Variants in IL12RB1 observed in about 807,000 individuals in gnomAD.
IL12RB1 encodes the protein interleukin-12 receptor subunit beta-1.
A neutral mutation model predicts 94.4 loss-of-function variants in IL12RB1; 64 were observed. The observed-to-expected ratio is 0.68, with a 90% CI of 0.55 to 0.83. The LOEUF (loss-of-function observed/expected upper bound fraction) is 0.83. Ranked by LOEUF, IL12RB1 falls within the 40% of genes least tolerant of loss-of-function variation. The pLI, the probability that IL12RB1 is intolerant of heterozygous loss-of-function variation, is 0.00. For missense variants in IL12RB1, 814 were observed against 855.6 expected (o/e 0.95, Z 0.61); for synonymous variants, 362 against 355.5 (o/e 1.02, Z -0.21).
At position 18,083,525 on chromosome 19, in the gene IL12RB1, G is replaced by A. The variant is rs772540021; in HGVS notation, c.65-34C>T. ...GCAATGAAGACATAATGACATTCCTGGCCTTGCACTGTGTGGGGAGAAGGG... is the reference window on the plus strand; with the variant it reads ...GCAATGAAGACATAATGACATTCCTAGCCTTGCACTGTGTGGGGAGAAGGG... On this transcript the variant is annotated intron_variant, in intron 1 of 16. Coordinates refer to ENST00000593993, the MANE Select transcript of IL12RB1 (RefSeq NM_005535.3). 1.0e-5 allele frequency: 16 copies of A among 1,607,870 alleles called. No individual in the cohort carries two copies. The Admixed American group carries it at 1.7e-4, about 17-fold the overall frequency.
rs1377296478 is a variant in IL12RB1 at position 18,069,596 on chromosome 19, A to T, written c.1139T>A (p.Leu380His). 6.2e-7 allele frequency: 1 copy of T among 1,612,714 alleles called. No homozygotes were observed. The highest frequency in any genetic ancestry group is 8.5e-7 in the Non-Finnish European group (1 of 1,179,840). ...CGGCGCAGTCAGGCTGCAGGTGGCA[A>T]GGCCCCCGTCCTGGCCCACAGGCTG... Reference protein sequence around the residue: ...EWQPVGQDGGLATCSLTAPQD... With the variant: ...EWQPVGQDGGHATCSLTAPQD... Residue 380 changes from leucine (L) to histidine (H), a missense_variant, in exon 10 of 17, where the codon CTT (leucine) becomes CAT (histidine). Leu to His is a moderately conservative substitution (Grantham distance 99). Coordinates refer to ENST00000593993, the MANE Select transcript of IL12RB1 (RefSeq NM_005535.3).
At chr19:18,091,222 A>G (rs405165), upstream of IL12RB1, among the ~76,000 whole-genome samples, 3,944 of 152,256 alleles carry the variant, frequency 0.026, 162 homozygotes, top group African/African-American at 0.09. Flanking sequence ...CCCTTGCCAC[A>G]TCTTGGCAAG....
Position 18,073,613 on chromosome 19 carries a change from C to A in IL12RB1, c.701-14G>T. On this transcript the variant is annotated splice_polypyrimidine_tract_variant and intron_variant, in intron 7 of 16. Coordinates refer to ENST00000593993, the MANE Select transcript of IL12RB1 (RefSeq NM_005535.3). ...GTGGGGGGTTTTCTGCAATCAGAAC[C>A]AAACCAACTAGACGAATTGGAAGGA... The A allele has an allele frequency of 6.5e-7, 1 of 1,531,588 alleles. No homozygotes were observed. Among genetic ancestry groups the A allele is most frequent in the South Asian group, 1.1e-5 (1 of 89,092 alleles). The allele number at this position is 1,531,588 out of a possible 1,614,324, so 94.9% of individuals were successfully genotyped here. A position where few individuals can be genotyped will look rare whatever the true frequency, so the allele number is the denominator to read the frequency against.
At position 18,069,731 on chromosome 19, in the gene IL12RB1, AG is replaced by A. The variant is rs2034878442; in HGVS notation, c.1022-19del. 6.3e-7 allele frequency: 1 copy of A among 1,581,832 alleles called. No homozygotes were observed. Among genetic ancestry groups the A allele is most frequent in the Non-Finnish European group, 8.7e-7 (1 of 1,153,236 alleles). Reference sequence around the variant, plus strand: ...CACTGGTTCTGGAAGGAGAGGGGAGAGACGCATCGAGACAGTTGCCATCTCT... The same window carrying A: ...CACTGGTTCTGGAAGGAGAGGGGAGAACGCATCGAGACAGTTGCCATCTCT... On this transcript the variant is annotated intron_variant, in intron 9 of 16. Transcript: ENST00000593993.
intron 1 of IL12RB1, among the ~76,000 whole-genome samples, chr19:18,093,175 G>T (rs1384777225): frequency 6.6e-6 from 1 of 151,786 alleles, no homozygotes; most frequent in African/African-American, 2.4e-5. Context: ...TGTGGTGGCA[G>T]GTGCCTGTAA....
At position 18,076,150 on chromosome 19, in the gene IL12RB1, C is replaced by A. The variant is rs746630650; in HGVS notation, c.580+147G>T. On this transcript the variant is annotated intron_variant, in intron 6 of 16. Transcript: ENST00000593993. Reference sequence around the variant, plus strand: ...TCCAAGTCGTGATTTGTTTCCCCACCTGCAATTTGGAAAGAATCCAATACT... The same window carrying A: ...TCCAAGTCGTGATTTGTTTCCCCACATGCAATTTGGAAAGAATCCAATACT... The A allele has an allele frequency of 1.1e-5, 8 of 703,996 alleles. No homozygotes were observed. In the African/African-American group the frequency reaches 1.4e-4, roughly 12 times the overall value. The allele number at this position is 703,996 out of a possible 1,614,324, so 43.6% of individuals were successfully genotyped here. A position where few individuals can be genotyped will look rare whatever the true frequency, so the allele number is the denominator to read the frequency against.
intron 4 of IL12RB1, 119 bp from the exon 5 acceptor site, chr19:18,077,774 C>T: frequency 1.4e-6 from 1 of 735,056 alleles, no homozygotes; most frequent in Non-Finnish European, 2.5e-6. Context: ...TTAGGGGACA[C>T]TTGCAGGTCC....
At chr19:18,090,301 C>T (rs1599591321), upstream of IL12RB1, among the ~76,000 whole-genome samples, 1 of 152,038 alleles carries the variant, frequency 6.6e-6, no homozygotes, top group African/African-American at 2.4e-5. Context: ...GCTCTAATTG[C>T]GCCACTGCAC....
At chr19:18,088,388 A>AATATATATATATATAT (rs372635550), upstream of IL12RB1, among the ~76,000 whole-genome samples, 17 of 108,518 alleles carry the variant, frequency 1.6e-4, no homozygotes, top group African/African-American at 5.7e-4. Context: ...TCCATCTCAA[A>AATATATATATATATAT]ATATATATAT....
At chr19:18,077,919 C>A (rs987318574) in intron 4 of IL12RB1, among the ~76,000 whole-genome samples, 2 of 152,150 alleles carry the variant, frequency 1.3e-5, no homozygotes, top group East Asian at 3.8e-4. Flanking sequence ...TCGAGACCAG[C>A]CTGGGCAACA....
At chr19:18,084,856 A>T (rs1206491573) in intron 1 of IL12RB1, among the ~76,000 whole-genome samples, 1 of 152,156 alleles carries the variant, frequency 6.6e-6, no homozygotes, top group Non-Finnish European at 1.5e-5. Flanking sequence ...GAACAGTAAG[A>T]CCAACAGTCT....
rs776498539 is a variant in IL12RB1, at chr19:18,064,044, C to T, written c.1484-34G>A. ...GGAGAGGCAACCCTGAGTCCTGGGA[C>T]CTCTTTACTCCTCAGAGGCCAGGCT... On this transcript the variant is annotated intron_variant, in intron 12 of 16. Transcript: ENST00000593993. The T allele has an allele frequency of 2.6e-6, 4 of 1,562,458 alleles. No individual in the cohort carries two copies. The Admixed American group carries it at 6.8e-5, about 26-fold the overall frequency.
At chr19:18,060,123 C>T (rs2034019570) in intron 15 of IL12RB1, 38 bp from the exon 16 acceptor site, 4 of 1,133,614 alleles carry the variant, frequency 3.5e-6, no homozygotes, top group Admixed American at 3.6e-5. Context: ...GTGAGCAGAG[C>T]TCTACTTCCC....
At chr19:18,072,882 G>A (rs2035172851) in intron 8 of IL12RB1, among the ~76,000 whole-genome samples, 2 of 149,518 alleles carry the variant, frequency 1.3e-5, no homozygotes, top group South Asian at 4.2e-4. Flanking sequence ...GGGAGGCGGA[G>A]CTTGTAGTGA....
upstream of IL12RB1, chr19:18,086,998 A>T (rs751766964): frequency 4.8e-5 from 68 of 1,410,680 alleles, no homozygotes; most frequent in Non-Finnish European, 6.5e-5. Flanking sequence ...AGTCAAAGTG[A>T]AAGAGAAACC....
chr19:18,067,529 C>A (rs751562647), intron 11 of IL12RB1, among the ~76,000 whole-genome samples: 11 of 152,032 alleles, frequency 7.2e-5, no homozygotes, highest in Admixed American at 3.9e-4. Flanking sequence ...GCTGGCCGGG[C>A]GCAGTGGCTC....
intron 7 of IL12RB1, among the ~76,000 whole-genome samples, chr19:18,074,638 C>T (rs1323370307): frequency 6.6e-6 from 1 of 152,124 alleles, no homozygotes; most frequent in African/African-American, 2.4e-5. Flanking sequence ...ATCCCAGCTA[C>T]TCTGGAGGCT....
intron 10 of IL12RB1, 33 bp from the exon 11 acceptor site, chr19:18,068,559 T>G (rs1229896834): frequency 6.3e-7 from 1 of 1,597,496 alleles, no homozygotes; most frequent in Non-Finnish European, 8.6e-7. Context: ...GGCCATTCAG[T>G]AGATTGTGTT....
In IL12RB1 at chr19:18,076,281, CTAT is replaced by C. The variant is rs1568506850; in HGVS notation, c.580+13_580+15del. On this transcript the variant is annotated intron_variant, in intron 6 of 16. Coordinates refer to ENST00000593993, the MANE Select transcript of IL12RB1 (RefSeq NM_005535.3). ...TTTGCTGCAGCTGTTGTTGTCATTACTATTATTATTCTCACCAGTATCATCATC... is the reference window on the plus strand; with the variant it reads ...TTTGCTGCAGCTGTTGTTGTCATTACTATTATTCTCACCAGTATCATCATC... The C allele has an allele frequency of 8.7e-6, 11 of 1,269,896 alleles. No individual in the cohort carries two copies. Among genetic ancestry groups the C allele is most frequent in the Non-Finnish European group, 1.3e-5 (11 of 865,426 alleles). 78.7% of individuals were successfully genotyped at this position (1,269,896 alleles called of 1,614,324 possible).
Sources: allele counts gnomAD v4.1 joint callset (sites outside exome capture counted in the v4.1 genomes callset), GRCh38; gene constraint gnomAD v4.1.1; transcripts MANE v1.5; gene names NCBI Gene and HGNC (gene_info 2026-07-23, HGNC 2026-07-21).